PLA2G4A: variants seen among roughly 807,000 people sequenced by gnomAD.
PLA2G4A encodes the protein cytosolic phospholipase A2.
Under a neutral mutation model 81.9 loss-of-function variants are expected in PLA2G4A, and 40 were observed. The ratio of observed to expected loss-of-function variants is 0.49; its 90% CI spans 0.38 to 0.64. The LOEUF (loss-of-function observed/expected upper bound fraction) is 0.64. Ranked by LOEUF, PLA2G4A falls within the 30% of genes least tolerant of loss-of-function variation. The pLI, the probability that PLA2G4A is intolerant of heterozygous loss-of-function variation, is 0.00. For synonymous variants in PLA2G4A, 302 were observed against 296.9 expected (o/e 1.02, Z -0.18); for missense variants, 715 against 905.1 (o/e 0.79, Z 2.69).
At chr1:186,922,233 C>A in intron 7 of PLA2G4A, among the ~76,000 whole-genome samples, 1 of 152,166 alleles carries the variant, frequency 6.6e-6, no homozygotes, top group East Asian at 1.9e-4. Flanking sequence ...AAACCAGAAT[C>A]AAAACCAAAA....
At chr1:186,972,171 G>C (rs1657378246) in intron 15 of PLA2G4A, among the ~76,000 whole-genome samples, 1 of 152,050 alleles carries the variant, frequency 6.6e-6, no homozygotes, top group South Asian at 2.1e-4. Context: ...AATTTATTTA[G>C]ATTAGTTAGC....
At chr1:186,915,682 G>A (rs1194072680) in intron 7 of PLA2G4A, among the ~76,000 whole-genome samples, 1 of 152,040 alleles carries the variant, frequency 6.6e-6, no homozygotes, top group African/African-American at 2.4e-5. Flanking sequence ...TAATGCCGTG[G>A]GGGCTGTCCA....
chr1:186,965,634 C>A (rs1182207043), intron 15 of PLA2G4A, 41 bp downstream of exon 15: 2 of 1,377,984 alleles, frequency 1.5e-6, no homozygotes, highest in East Asian at 2.3e-5. Context: ...CTACCACATT[C>A]TCTTGCTTGC....
intron 7 of PLA2G4A, among the ~76,000 whole-genome samples, 184 bp downstream of exon 7, chr1:186,911,573 T>C (rs992299053): frequency 6.6e-6 from 1 of 152,212 alleles, no homozygotes; most frequent in Non-Finnish European, 1.5e-5. Context: ...AATGGTGCCC[T>C]AGCTGGTAAT....
At chr1:186,868,311 C>T (rs921904179) in intron 2 of PLA2G4A, among the ~76,000 whole-genome samples, 5 of 152,082 alleles carry the variant, frequency 3.3e-5, no homozygotes, top group African/African-American at 1.2e-4. Context: ...CTCCTGACCT[C>T]AGGTGATCCG....
chr1:186,877,952 T>G (rs1653566310), intron 3 of PLA2G4A, among the ~76,000 whole-genome samples: 1 of 150,464 alleles, frequency 6.6e-6, no homozygotes, highest in Admixed American at 6.6e-5. Flanking sequence ...TTTCTGAGGT[T>G]GCATGCACAG....
chr1:186,878,226 T>A (rs902975221), intron 3 of PLA2G4A, among the ~76,000 whole-genome samples: 2 of 143,558 alleles, frequency 1.4e-5, no homozygotes, highest in East Asian at 4.0e-4. Flanking sequence ...CTGATATATT[T>A]TATATATATC....
At chr1:186,848,722 T>TACAC (rs10651334) in intron 1 of PLA2G4A, among the ~76,000 whole-genome samples, 132 of 148,878 alleles carry the variant, frequency 8.9e-4, no homozygotes, top group African/African-American at 2.6e-3. Flanking sequence ...CTAGTGATTT[T>TACAC]ACACACACAC....
intron 7 of PLA2G4A, among the ~76,000 whole-genome samples, chr1:186,929,414 A>G (rs974774015): frequency 1.3e-5 from 2 of 152,166 alleles, no homozygotes; most frequent in African/African-American, 2.4e-5. Context: ...ATTCTTTTTT[A>G]TAGTTCATAG....
chr1:186,922,295 G>A (rs1177407822), intron 7 of PLA2G4A, among the ~76,000 whole-genome samples: 1 of 152,154 alleles, frequency 6.6e-6, no homozygotes, highest in East Asian at 1.9e-4. Flanking sequence ...AAAGTATCAA[G>A]CAATCCAAGT....
At chr1:186,894,352 T>C in intron 5 of PLA2G4A, 141 bp downstream of exon 5, 1 of 632,102 alleles carries the variant, frequency 1.6e-6, no homozygotes, top group Non-Finnish European at 2.8e-6. Context: ...TTTGTTTTTC[T>C]TTTTACTTTT....
intron 10 of PLA2G4A, among the ~76,000 whole-genome samples, chr1:186,944,695 A>C (rs6683416): frequency 0.63 from 96,085 of 152,064 alleles, 33,190 homozygotes; most frequent in Non-Finnish European, 0.76. Context: ...CAAACAATAA[A>C]TATAGATCCA....
rs60413904 is a variant in PLA2G4A at position 186,954,777 on chromosome 1, G to A, written c.1337-1325G>A. Among the ~76,000 whole-genome samples, 847 of 152,004 alleles carry A rather than the reference G, an allele frequency of 5.6e-3. 6 individuals carry two copies. Among genetic ancestry groups the A allele is most frequent in the African/African-American group, 0.02 (810 of 41,452 alleles). On this transcript the variant is annotated intron_variant, in intron 13 of 17. Transcript: ENST00000367466. ...GGGTTCCTAGAAATCAGAAAAAAAC[G>A]GGGTTTAGGCAGGTGAAGTTATACA...
At chr1:186,887,183 AT>A (rs140327018) in intron 3 of PLA2G4A, among the ~76,000 whole-genome samples, 38 of 150,414 alleles carry the variant, frequency 2.5e-4, no homozygotes, top group Admixed American at 1.6e-3. Flanking sequence ...CCCCTTTGGG[AT>A]TTTTTTTTTC....
chr1:186,941,112 CAAA>C (rs61665159), intron 10 of PLA2G4A, among the ~76,000 whole-genome samples: 6 of 107,594 alleles, frequency 5.6e-5, no homozygotes, highest in Admixed American at 9.5e-5. Context: ...GACTCCGTCT[CAAA>C]AAAAAAAAAA....
chr1:186,941,543 C>T (rs746264170), intron 10 of PLA2G4A, among the ~76,000 whole-genome samples: 4 of 152,082 alleles, frequency 2.6e-5, no homozygotes, highest in Non-Finnish European at 4.4e-5. Flanking sequence ...AGAAGAAAAA[C>T]GAAAACCTCA....
chr1:186,852,821 G>A (rs1652420726), intron 1 of PLA2G4A, among the ~76,000 whole-genome samples: 10 of 151,936 alleles, frequency 6.6e-5, no homozygotes, highest in Admixed American at 5.9e-4. Context: ...ATTGGTTAAT[G>A]TTATCAGGAA....
chr1:186,884,677 G>A (rs1378922830), intron 3 of PLA2G4A, among the ~76,000 whole-genome samples: 1 of 151,928 alleles, frequency 6.6e-6, no homozygotes, highest in East Asian at 1.9e-4. Context: ...AGGAGTTCGA[G>A]ACCAGGCCTG....
At chr1:186,879,284 T>C (rs1324309424) in intron 3 of PLA2G4A, among the ~76,000 whole-genome samples, 1 of 151,988 alleles carries the variant, frequency 6.6e-6, no homozygotes, top group Non-Finnish European at 1.5e-5. Flanking sequence ...AACGTTGAGA[T>C]TTTAACTTCG....
Sources: gnomAD v4.1 joint callset for allele counts (sites outside exome capture counted in the v4.1 genomes callset) on GRCh38, gnomAD v4.1.1 for gene constraint, MANE v1.5 for transcripts, NCBI Gene and HGNC (gene_info 2026-07-23, HGNC 2026-07-21) for gene names.